The following C2orf42 variants were observed in gnomAD, a reference collection of about 807,000 sequenced individuals.
C2orf42 encodes uncharacterized protein C2orf42.
Under a neutral mutation model 58.9 loss-of-function variants are expected in C2orf42, and 44 were observed. The observed-to-expected ratio is 0.75, with a 90% confidence interval of 0.59 to 0.96. The LOEUF (loss-of-function observed/expected upper bound fraction) is 0.96. Ranked by LOEUF, C2orf42 falls within the 40% of genes least tolerant of loss-of-function variation. C2orf42 has a pLI of 0.00. For missense variants in C2orf42, 630 were observed against 699.2 expected (o/e 0.90, Z 1.12); for synonymous variants, 239 against 265.4 (o/e 0.90, Z 0.97).
chr2:70,171,072 G>C (rs1673782288), intron 5 of C2orf42, among the ~76,000 whole-genome samples: 1 of 151,858 alleles, frequency 6.6e-6, no homozygotes, highest in African/African-American at 2.4e-5. Flanking sequence ...CCGAGATTGT[G>C]CCACTGCACT....
chr2:70,189,360 C>G (rs771653036), intron 1 of C2orf42, among the ~76,000 whole-genome samples: 4 of 121,780 alleles, frequency 3.3e-5, no homozygotes, highest in African/African-American at 6.4e-5. Flanking sequence ...GAGCCAAGAT[C>G]GTGCCATTGC....
At chr2:70,151,856 C>G (rs1672334931) in intron 9 of C2orf42, among the ~76,000 whole-genome samples, 1 of 151,870 alleles carries the variant, frequency 6.6e-6, no homozygotes. Context: ...AATCTCGGTT[C>G]ACTGCAACCT....
chr2:70,150,839 G>C (rs185706995), intron 9 of C2orf42, among the ~76,000 whole-genome samples: 8 of 152,146 alleles, frequency 5.3e-5, no homozygotes, highest in Non-Finnish European at 1.5e-5. Flanking sequence ...TTTGCCTCCC[G>C]GGTTCAAGCG....
chr2:70,172,224 A>AT lies in C2orf42; in HGVS notation c.1040-2564_1040-2563insA, dbSNP rs1673873877. 3.2e-5 allele frequency among the ~76,000 whole-genome samples: 4 copies of AT among 126,978 alleles called. No individual in the cohort carries two copies. The South Asian group carries it at 1.1e-3, about 34-fold the overall frequency. 83.3% of individuals were successfully genotyped at this position (126,978 alleles called of 152,430 possible). A position where few individuals can be genotyped will look rare whatever the true frequency, so the allele number is the denominator to read the frequency against. On this transcript the variant is annotated intron_variant, in intron 5 of 9. Coordinates refer to ENST00000264434, the MANE Select transcript of C2orf42 (RefSeq NM_017880.3). ...AGGCGACAGAGTGAGACTCTGTCTC[A>AT]AAAAAAAAAAAAAAAAAAAGGCTAT... is the stretch of plus-strand genomic sequence containing the variant.
chr2:70,186,942 G>A (rs1381949685), intron 1 of C2orf42, among the ~76,000 whole-genome samples: 1 of 151,650 alleles, frequency 6.6e-6, no homozygotes, highest in African/African-American at 2.4e-5. Context: ...ATCACACTCT[G>A]GGGACAGTTG....
At chr2:70,188,936 G>A (rs1275997515) in intron 1 of C2orf42, among the ~76,000 whole-genome samples, 1 of 152,020 alleles carries the variant, frequency 6.6e-6, no homozygotes, top group African/African-American at 2.4e-5. Flanking sequence ...TTTACAGACT[G>A]ACTCCCACAT....
chr2:70,175,946 T>G (rs146032941), intron 4 of C2orf42, among the ~76,000 whole-genome samples, 169 bp from the exon 5 acceptor site: 11 of 152,336 alleles, frequency 7.2e-5, no homozygotes, highest in African/African-American at 2.6e-4. Context: ...TTAGCTTTCT[T>G]ATGCTCTTTA....
At chr2:70,167,504 G>A (rs1673480844) in intron 6 of C2orf42, among the ~76,000 whole-genome samples, 2 of 152,124 alleles carry the variant, frequency 1.3e-5, no homozygotes, top group Admixed American at 6.6e-5. Context: ...ACTTTGGGAG[G>A]CCTAGGCAGG....
At chr2:70,172,085 G>A (rs556100594) in intron 5 of C2orf42, among the ~76,000 whole-genome samples, 4 of 151,876 alleles carry the variant, frequency 2.6e-5, no homozygotes, top group East Asian at 3.9e-4. Context: ...TTAGCCAGGC[G>A]TAGTGGTGTG....
chr2:70,153,675 T>TAAAA (rs201383627), intron 9 of C2orf42, among the ~76,000 whole-genome samples: 14 of 135,372 alleles, frequency 1.0e-4, no homozygotes, highest in African/African-American at 3.7e-4. Flanking sequence ...AACAGGAAAT[T>TAAAA]AAAAAAAAAA....
intron 9 of C2orf42, among the ~76,000 whole-genome samples, chr2:70,156,249 A>G (rs1321872799): frequency 1.3e-5 from 2 of 152,214 alleles, no homozygotes; most frequent in Non-Finnish European, 2.9e-5. Flanking sequence ...AAGACCAACT[A>G]TATAAATTAT....
At chr2:70,163,271 G>A (rs763132503) in intron 8 of C2orf42, among the ~76,000 whole-genome samples, 14 of 149,268 alleles carry the variant, frequency 9.4e-5, no homozygotes, top group Non-Finnish European at 1.6e-4. Context: ...TTGAGACAGC[G>A]TCTTGCTCTG....
rs112236356 is a variant in C2orf42 at position 70,170,766 on chromosome 2, G to A, written c.1040-1105C>T. Among the ~76,000 whole-genome samples the A allele has an allele frequency of 5.7e-3, 842 of 147,086 alleles. 10 individuals carry two copies. Among genetic ancestry groups the A allele is most frequent in the African/African-American group, 0.02 (800 of 39,890 alleles). ...GACTCTAAAAAAAAAAAAAGAAAAA[G>A]AAAATACGAAATGAGAAGCAACACT... is the stretch of plus-strand genomic sequence containing the variant. On this transcript the variant is annotated intron_variant, in intron 5 of 9. Coordinates refer to ENST00000264434, the MANE Select transcript of C2orf42 (RefSeq NM_017880.3).
chr2:70,187,000 G>T (rs1674981805), intron 1 of C2orf42, among the ~76,000 whole-genome samples: 1 of 152,034 alleles, frequency 6.6e-6, no homozygotes, highest in African/African-American at 2.4e-5. Flanking sequence ...TATACCTAAG[G>T]CTAGATGACG....
chr2:70,163,314 G>T (rs1421904322), intron 8 of C2orf42, among the ~76,000 whole-genome samples: 3 of 146,244 alleles, frequency 2.1e-5, no homozygotes, highest in Non-Finnish European at 3.0e-5. Flanking sequence ...GTGCGATCTC[G>T]GCTCACTGCA....
intron 8 of C2orf42, among the ~76,000 whole-genome samples, chr2:70,164,429 T>C (rs1673266995): frequency 6.6e-6 from 1 of 152,068 alleles, no homozygotes; most frequent in Admixed American, 6.6e-5. Flanking sequence ...GTCAGGAATT[T>C]GAGACTAGCC....
chr2:70,150,560 G>C lies in C2orf42; in HGVS notation c.1521C>G (p.Asn507Lys), dbSNP rs1297721736. 1 of 1,611,590 alleles carries C rather than the reference G, an allele frequency of 6.2e-7. No homozygotes were observed. Among genetic ancestry groups the C allele is most frequent in the Non-Finnish European group, 8.5e-7 (1 of 1,177,832 alleles). The change falls in exon 10 of 10, where the codon AAC becomes AAG. Residue 507 changes from asparagine (N) to lysine (K), a missense_variant. Asn to Lys is a moderately conservative substitution (Grantham distance 94). Coordinates refer to ENST00000264434, the MANE Select transcript of C2orf42 (RefSeq NM_017880.3). ...LELKTFLKVGNTSPDQKEPTP... is the reference protein window; with the variant it reads ...LELKTFLKVGKTSPDQKEPTP... ...TTGGCTCCTTTTGATCTGGGGAAGT[G>C]TTGCCTAAAGAGAAGAAAGGAGTAT... is the stretch of plus-strand genomic sequence containing the variant.
At chr2:70,164,610 T>A (rs961763253) in intron 8 of C2orf42, among the ~76,000 whole-genome samples, 3 of 151,872 alleles carry the variant, frequency 2.0e-5, no homozygotes, top group African/African-American at 7.3e-5. Flanking sequence ...CCAGCCTGGG[T>A]GACAGAGCAA....
chr2:70,177,463 T>A (rs1674269316), intron 4 of C2orf42, among the ~76,000 whole-genome samples: 2 of 151,974 alleles, frequency 1.3e-5, no homozygotes, highest in African/African-American at 4.8e-5. Context: ...AGTAAACATT[T>A]AACAACAATT....
Sources: allele counts gnomAD v4.1 joint callset (sites outside exome capture counted in the v4.1 genomes callset), GRCh38; gene constraint gnomAD v4.1.1; transcripts MANE v1.5; gene names NCBI Gene and HGNC (gene_info 2026-07-23, HGNC 2026-07-21).